PKP1: variants seen among roughly 807,000 people sequenced by gnomAD.
PKP1 encodes the protein plakophilin-1.
In PKP1, 27 loss-of-function variants were observed where a neutral mutation model predicts 76.4. The observed-to-expected ratio is 0.35, with a 90% CI of 0.26 to 0.49. The LOEUF is 0.49. PKP1 is among the 20% of genes least tolerant of loss of function. The pLI is 0.99. For missense variants in PKP1, 964 were observed against 955.2 expected (o/e 1.01, Z -0.12); for synonymous variants, 404 against 384.2 (o/e 1.05, Z -0.60).
intron 9 of PKP1, 41 bp downstream of exon 9, chr1:201,323,230 C>A: frequency 6.3e-7 from 1 of 1,583,526 alleles, no homozygotes; most frequent in Non-Finnish European, 8.7e-7. Flanking sequence ...CAGCCCCATC[C>A]TCCAGCCACC....
In PKP1 at chr1:201,313,396, C is replaced by A; in HGVS notation, c.537C>A (p.Thr179=). 1 of 1,584,238 alleles carries A rather than the reference C, an allele frequency of 6.3e-7. No homozygotes were observed. The stretch of plus-strand genomic sequence containing the variant: ...CGCTGGGCAGCAAGGGCCAGAAGAC[C>A]ACCCAGAACCGCTACAGCTTTTACA... ...KGTLGSKGQK[T]TQNRYSFYST... The change falls in exon 3 of 14, where the codon ACC becomes ACA. Residue 179 remains threonine (T), a synonymous_variant. Transcript: ENST00000367324.
intron 13 of PKP1, among the ~76,000 whole-genome samples, chr1:201,329,431 A>G (rs986971283): frequency 1.3e-5 from 2 of 152,232 alleles, no homozygotes; most frequent in Non-Finnish European, 2.9e-5. Context: ...GCCCAGCCCC[A>G]GCTATTCTGA....
Position 201,325,116 on chromosome 1 carries a change from G to A in PKP1, c.2010G>A (p.Leu670=), listed in dbSNP as rs760057000. 2.5e-6 allele frequency: 4 copies of A among 1,613,782 alleles called. No homozygotes were observed. The highest frequency in any genetic ancestry group is 3.4e-6 in the Non-Finnish European group (4 of 1,180,028). ...SSSMLNNIIN[L]CRSSASPKAA... ...GCATGCTCAACAACATCATCAACCT[G>A]TGCCGAAGCAGGTGGGCGGGGGGTT... The change falls in exon 11 of 14, where the codon CTG becomes CTA. Residue 670 remains leucine (L), a synonymous_variant. Coordinates refer to ENST00000367324, the MANE Select transcript of PKP1 (RefSeq NM_001005337.3).
intron 2 of PKP1, among the ~76,000 whole-genome samples, chr1:201,294,524 A>C (rs1656020818): frequency 6.6e-6 from 1 of 152,154 alleles, no homozygotes; most frequent in African/African-American, 2.4e-5. Flanking sequence ...ACAACCCGAC[A>C]CATTTGGGTT....
At chr1:201,327,657 C>G (rs761857772) in intron 12 of PKP1, among the ~76,000 whole-genome samples, 1 of 151,990 alleles carries the variant, frequency 6.6e-6, no homozygotes, top group Non-Finnish European at 1.5e-5. Context: ...ACATCGCTCT[C>G]GGTGGGAATT....
At chr1:201,295,535 G>A (rs1485176142) in intron 2 of PKP1, among the ~76,000 whole-genome samples, 1 of 152,232 alleles carries the variant, frequency 6.6e-6, no homozygotes, top group Non-Finnish European at 1.5e-5. Context: ...GGGATTAGAT[G>A]AAACCCAAGG....
intron 10 of PKP1, 143 bp downstream of exon 10, chr1:201,324,724 C>T (rs890849475): frequency 1.7e-6 from 2 of 1,155,096 alleles, no homozygotes; most frequent in Non-Finnish European, 1.3e-6. Flanking sequence ...GGTATGGAGA[C>T]AGGAGAAGGG....
intron 1 of PKP1, among the ~76,000 whole-genome samples, chr1:201,284,447 C>T (rs116734661): frequency 0.015 from 2,307 of 152,220 alleles, 53 homozygotes; most frequent in African/African-American, 0.049. Context: ...TGTGGGGCCG[C>T]GCATGAGTAT....
intron 4 of PKP1, 86 bp downstream of exon 4, chr1:201,316,783 G>A: frequency 1.4e-6 from 2 of 1,424,678 alleles, no homozygotes; most frequent in Non-Finnish European, 2.0e-6. Context: ...GATGGGTGAG[G>A]GCATCTGCAG....
intron 2 of PKP1, among the ~76,000 whole-genome samples, chr1:201,306,387 C>A (rs1045190050): frequency 7.9e-5 from 12 of 152,354 alleles, no homozygotes; most frequent in African/African-American, 2.9e-4. Context: ...CTGACCTTTG[C>A]AGGCAGGCTT....
intron 6 of PKP1, chr1:201,319,954 G>C: frequency 1.3e-6 from 2 of 1,492,738 alleles, no homozygotes; most frequent in Non-Finnish European, 1.9e-6. Flanking sequence ...ACTGGGCAGA[G>C]TGAAGGAGGA....
intron 4 of PKP1, 79 bp downstream of exon 4, chr1:201,316,776 G>GCCCCCACCCATCTCTAAAA: frequency 1.3e-6 from 2 of 1,533,708 alleles, no homozygotes; most frequent in African/African-American, 1.4e-5. Flanking sequence ...TTTTAGAGAT[G>GCCCCCACCCATCTCTAAAA]GGTGAGGGCA....
At chr1:201,306,166 C>A (rs1031709959) in intron 2 of PKP1, among the ~76,000 whole-genome samples, 4 of 152,198 alleles carry the variant, frequency 2.6e-5, no homozygotes, top group African/African-American at 9.7e-5. Context: ...AAACCTATTT[C>A]TCAGGTGTAG....
chr1:201,297,753 G>C (rs540026093), intron 2 of PKP1, among the ~76,000 whole-genome samples: 1 of 152,252 alleles, frequency 6.6e-6, no homozygotes, highest in East Asian at 1.9e-4. Flanking sequence ...ACACTCATGA[G>C]TCTGAATCCC....
At chr1:201,321,513 G>A (rs914558099) in intron 7 of PKP1, among the ~76,000 whole-genome samples, 3 of 152,062 alleles carry the variant, frequency 2.0e-5, no homozygotes, top group African/African-American at 7.2e-5. Context: ...AAGAATGATG[G>A]GGGCACTAGA....
chr1:201,329,915 A>G (rs2102190994), intron 13 of PKP1, among the ~76,000 whole-genome samples, 159 bp from the exon 14 acceptor site: 1 of 152,336 alleles, frequency 6.6e-6, no homozygotes, highest in East Asian at 1.9e-4. Context: ...CTGAATCCAC[A>G]GGGCAATCTA....
chr1:201,328,840 G>A lies in PKP1; in HGVS notation c.*4G>A. Reference sequence around the variant, plus strand: ...GAACTTCACCTCCCGATTCTAAGAAGAGACTGTCCAAGCAAGTTAGGCTTG... The same window carrying A: ...GAACTTCACCTCCCGATTCTAAGAAAAGACTGTCCAAGCAAGTTAGGCTTG... On this transcript the variant is annotated 3_prime_UTR_variant, in exon 13 of 14. Transcript: ENST00000367324. 1.9e-6 allele frequency: 3 copies of A among 1,613,012 alleles called. No individual in the cohort carries two copies. The highest frequency in any genetic ancestry group is 2.5e-6 in the Non-Finnish European group (3 of 1,178,924).
Position 201,316,658 on chromosome 1 carries a change from C to T in PKP1, c.807C>T (p.Ile269=). The change falls in exon 4 of 14, where the codon ATC becomes ATT. Residue 269 remains isoleucine, a synonymous_variant. Transcript: ENST00000367324. ...EKYQAIGAYY[I]QHTCFQDESA... Reference sequence around the variant, plus strand: ...ACCAGGCCATTGGGGCCTATTACATCCAGCATACCTGCTTCCAGGATGAAT... The same window carrying T: ...ACCAGGCCATTGGGGCCTATTACATTCAGCATACCTGCTTCCAGGATGAAT... The T allele has an allele frequency of 6.2e-7, 1 of 1,613,924 alleles. No homozygotes were observed. The highest frequency in any genetic ancestry group is 2.2e-5 in the East Asian group (1 of 44,882).
chr1:201,299,680 G>A (rs1055222635), intron 2 of PKP1, among the ~76,000 whole-genome samples: 4 of 152,174 alleles, frequency 2.6e-5, no homozygotes, highest in African/African-American at 9.7e-5. Flanking sequence ...TTTCATCTGA[G>A]CACTCCAGGC....
Sources: gnomAD v4.1 joint callset for allele counts (sites outside exome capture counted in the v4.1 genomes callset) on GRCh38, gnomAD v4.1.1 for gene constraint, MANE v1.5 for transcripts, NCBI Gene and HGNC (gene_info 2026-07-23, HGNC 2026-07-21) for gene names.